Variants in SLC14A2 observed in about 807,000 individuals in gnomAD.
SLC14A2 encodes the protein solute carrier family 14 member 2.
In SLC14A2, 91 loss-of-function variants were observed where a neutral mutation model predicts 104.6. That is an observed-to-expected ratio of 0.87 (90% CI 0.73 to 1.04). The LOEUF is 1.04. SLC14A2 is among the 50% of genes least tolerant of loss of function. The probability of loss-of-function intolerance (pLI) is 0.00; values close to 1 mark genes in which losing one functional copy is unlikely to be tolerated. For missense variants in SLC14A2, 1,189 were observed against 1,156.0 expected (o/e 1.03, Z -0.41); for synonymous variants, 476 against 466.4 (o/e 1.02, Z -0.27).
rs1177356606 is a variant in SLC14A2, at chr18:45,236,271, ATG to A, written c.-125+23086_-125+23087del. On this transcript the variant is annotated intron_variant, in intron 1 of 20. Transcript: ENST00000586448. ...TGTATATATGTGTATATATACATGTATGTGTGTATATGTGTATATATACATGT... is the reference window on the plus strand; with the variant it reads ...TGTATATATGTGTATATATACATGTATGTGTATATGTGTATATATACATGT... Among the ~76,000 whole-genome samples the A allele has an allele frequency of 3.9e-5, 2 of 51,024 alleles. 1 individual carries two copies. The highest frequency in any genetic ancestry group is 6.6e-5 in the Non-Finnish European group (2 of 30,278). The allele number at this position is 51,024 out of a possible 152,430, so 33.5% of individuals were successfully genotyped here. A position where few individuals can be genotyped will look rare whatever the true frequency, so the allele number is the denominator to read the frequency against.
chr18:45,512,416 G>A (rs2043378629), intron 2 of SLC14A2, among the ~76,000 whole-genome samples: 1 of 152,162 alleles, frequency 6.6e-6, no homozygotes, highest in African/African-American at 2.4e-5. Context: ...AAAATTGCCT[G>A]ATGCATACTG....
At chr18:45,661,488 T>G (rs940390653) in intron 10 of SLC14A2, among the ~76,000 whole-genome samples, 4 of 152,196 alleles carry the variant, frequency 2.6e-5, no homozygotes, top group African/African-American at 9.6e-5. Context: ...GAAAGAGCAG[T>G]GAATTGGGAA....
intron 1 of SLC14A2, among the ~76,000 whole-genome samples, chr18:45,224,514 G>A (rs780866359): frequency 3.9e-5 from 6 of 152,112 alleles, no homozygotes; most frequent in Admixed American, 1.3e-4. Flanking sequence ...TGGGTGAATG[G>A]GCCCAACTAT....
intron 2 of SLC14A2, among the ~76,000 whole-genome samples, chr18:45,503,678 G>A (rs1012372033): frequency 1.3e-5 from 2 of 152,134 alleles, no homozygotes; most frequent in African/African-American, 4.8e-5. Context: ...AAATTACAGA[G>A]GTGGGCAGAC....
chr18:45,666,361 C>A, intron 12 of SLC14A2, 142 bp downstream of exon 12: 1 of 597,496 alleles, frequency 1.7e-6, no homozygotes. Context: ...ATGTAATTAC[C>A]TGGGACAAAA....
chr18:45,415,348 C>T (rs182759065), intron 1 of SLC14A2, among the ~76,000 whole-genome samples: 7 of 152,214 alleles, frequency 4.6e-5, no homozygotes, highest in African/African-American at 1.2e-4. Context: ...TGTGTCATTT[C>T]TTGTACTCTT....
chr18:45,209,542 CCTTTTT>C (rs145551618), upstream of SLC14A2, among the ~76,000 whole-genome samples: 15,123 of 148,154 alleles, frequency 0.1, 753 homozygotes, highest in Admixed American at 0.13. Flanking sequence ...ATCACCCCTT[CCTTTTT>C]CTTTTTTTTT....
chr18:45,545,858 T>C (rs1397502121), intron 2 of SLC14A2, among the ~76,000 whole-genome samples: 4 of 152,246 alleles, frequency 2.6e-5, no homozygotes, highest in African/African-American at 9.6e-5. Context: ...ATGAGATTTA[T>C]ATATTTTTTC....
intron 1 of SLC14A2, among the ~76,000 whole-genome samples, chr18:45,284,354 C>G (rs931440586): frequency 1.3e-5 from 2 of 152,120 alleles, no homozygotes; most frequent in Non-Finnish European, 2.9e-5. Flanking sequence ...CAATGGGAGG[C>G]ACTGTTGGGA....
At chr18:45,500,304 G>A (rs1226806054) in intron 2 of SLC14A2, among the ~76,000 whole-genome samples, 2 of 151,834 alleles carry the variant, frequency 1.3e-5, no homozygotes, top group Non-Finnish European at 2.9e-5. Context: ...TAGGCCGGGC[G>A]CGGTGGCTCA....
intron 1 of SLC14A2, among the ~76,000 whole-genome samples, chr18:45,422,075 C>T (rs932623167): frequency 6.6e-6 from 1 of 152,158 alleles, no homozygotes; most frequent in Non-Finnish European, 1.5e-5. Flanking sequence ...TGTGATCTCT[C>T]AGAGAAGGTA....
At chr18:45,561,523 C>A (rs2044201014) in intron 2 of SLC14A2, among the ~76,000 whole-genome samples, 1 of 152,124 alleles carries the variant, frequency 6.6e-6, no homozygotes, top group Non-Finnish European at 1.5e-5. Context: ...GAGGGGCAGC[C>A]CGTTGGGTGG....
chr18:45,217,752 T>C (rs1310919558), intron 1 of SLC14A2, among the ~76,000 whole-genome samples: 2 of 152,334 alleles, frequency 1.3e-5, no homozygotes, highest in Non-Finnish European at 2.9e-5. Context: ...TGCTTACATA[T>C]GGTTGGTCCT....
chr18:45,610,655 A>G (rs1450233890), upstream of SLC14A2, among the ~76,000 whole-genome samples: 2 of 152,214 alleles, frequency 1.3e-5, no homozygotes, highest in African/African-American at 4.8e-5. Context: ...GCTCTTGTCA[A>G]TAGACCAGCA....
At chr18:45,605,675 G>A (rs1458244800) in intron 2 of SLC14A2, among the ~76,000 whole-genome samples, 2 of 152,302 alleles carry the variant, frequency 1.3e-5, no homozygotes, top group Non-Finnish European at 2.9e-5. Flanking sequence ...ACTTGACCAA[G>A]GTTAAACAGC....
chr18:45,411,162 CAT>C (rs942701395), intron 1 of SLC14A2, among the ~76,000 whole-genome samples: 3 of 152,162 alleles, frequency 2.0e-5, no homozygotes, highest in African/African-American at 7.2e-5. Context: ...CTTTATAAAA[CAT>C]AATGATTGCA....
At chr18:45,193,706 A>C in the SLC14A2 span, among the ~76,000 whole-genome samples, 10 of 151,752 alleles carry the variant, frequency 6.6e-5, no homozygotes, top group African/African-American at 2.4e-4. Context: ...GTTTCTTTGT[A>C]TTTCCAGACA....
chr18:45,212,384 G>A (rs2083968827), upstream of SLC14A2, among the ~76,000 whole-genome samples: 2 of 152,204 alleles, frequency 1.3e-5, no homozygotes. Context: ...CCTTAGCTAT[G>A]TGACCTTGGA....
rs532629416 is a variant in SLC14A2 at position 45,551,205 on chromosome 18, T to A, written c.-35+67883T>A. Among the ~76,000 whole-genome samples, 8 of 152,334 alleles carry A rather than the reference T, an allele frequency of 5.3e-5. No homozygotes were observed. In the South Asian group the frequency reaches 1.7e-3, roughly 32 times the overall value. ...CTTCCTTTGCACCAAGACACTATTT[T>A]TTTTAATATGGGGAATTTTAAAAAA... On this transcript the variant is annotated intron_variant, in intron 2 of 20. Coordinates refer to the SLC14A2 transcript ENST00000586448.
Sources: gnomAD v4.1 joint callset for allele counts (sites outside exome capture counted in the v4.1 genomes callset) on GRCh38, gnomAD v4.1.1 for gene constraint, MANE v1.5 for transcripts, NCBI Gene and HGNC (gene_info 2026-07-23, HGNC 2026-07-21) for gene names.